Variants in COPG2 observed in about 807,000 individuals in gnomAD.
COPG2 encodes the protein coat protein complex I subunit gamma 2.
Under a neutral mutation model 46.3 loss-of-function variants are expected in COPG2, and 37 were observed. That is an observed-to-expected ratio of 0.80 (90% CI 0.61 to 1.05). The LOEUF (loss-of-function observed/expected upper bound fraction) is 1.05. COPG2 is among the 50% of genes least tolerant of loss of function. The pLI, the probability that COPG2 is intolerant of heterozygous loss-of-function variation, is 0.00. For synonymous variants in COPG2, 159 were observed against 129.7 expected (o/e 1.23, Z -1.53); for missense variants, 427 against 387.8 (o/e 1.10, Z -0.85).
At chr7:130,509,121 T>C in intron 20 of COPG2, 1 of 446,874 alleles carries the variant, frequency 2.2e-6, no homozygotes, top group Non-Finnish European at 4.4e-6. Context: ...ATACTATCTT[T>C]AGATTGTGGA....
intron 23 of COPG2, 104 bp downstream of exon 23, chr7:130,507,170 T>C (rs1799509425): frequency 1.4e-6 from 1 of 724,556 alleles, no homozygotes; most frequent in South Asian, 1.5e-5. Flanking sequence ...TTGTTACTCA[T>C]ATAATGGGAT....
chr7:130,604,362 T>C (rs1554450901), intron 9 of COPG2, among the ~76,000 whole-genome samples: 2 of 152,226 alleles, frequency 1.3e-5, no homozygotes, highest in Non-Finnish European at 2.9e-5. Context: ...TTTACTTAGG[T>C]CATACTTTAA....
In COPG2 at chr7:130,540,352, C is replaced by T. The variant is rs921251148; in HGVS notation, c.2149+7322G>A. ...GGTTTTTAGGAAACAACTGAGAACT[C>T]GGGAAACAAAGGGGGAAGTTTCTGC... On this transcript the variant is annotated intron_variant, in intron 20 of 23. Transcript: ENST00000425248. Among the ~76,000 whole-genome samples, 59 of 151,750 alleles carry T rather than the reference C, an allele frequency of 3.9e-4. 1 individual carries two copies. The highest frequency in any genetic ancestry group is 2.6e-4 in the Admixed American group (4 of 15,240).
At chr7:130,663,615 T>C (rs1168107780) in intron 3 of COPG2, among the ~76,000 whole-genome samples, 5 of 152,122 alleles carry the variant, frequency 3.3e-5, no homozygotes, top group Non-Finnish European at 7.4e-5. Context: ...AAACATGCTT[T>C]GGATCAGAGC....
chr7:130,555,825 G>C (rs1312477790), intron 12 of COPG2, among the ~76,000 whole-genome samples: 1 of 151,926 alleles, frequency 6.6e-6, no homozygotes, highest in Non-Finnish European at 1.5e-5. Context: ...GAGAGACTCT[G>C]TCTCAAAAAA....
At chr7:130,536,998 G>A (rs1450616575) in intron 20 of COPG2, among the ~76,000 whole-genome samples, 1 of 151,962 alleles carries the variant, frequency 6.6e-6, no homozygotes, top group Non-Finnish European at 1.5e-5. Flanking sequence ...GGAGGTGGGA[G>A]GAGGGTGGGA....
At chr7:130,559,870 C>T (rs1027914959) in intron 12 of COPG2, among the ~76,000 whole-genome samples, 8 of 152,114 alleles carry the variant, frequency 5.3e-5, no homozygotes, top group Non-Finnish European at 1.2e-4. Context: ...AGTTATATTA[C>T]TTGACTGAGT....
chr7:130,667,589 A>C, intron 1 of COPG2, 55 bp from the exon 2 acceptor site: 1 of 1,423,248 alleles, frequency 7.0e-7, no homozygotes, highest in Non-Finnish European at 9.9e-7. Context: ...ACACAAACTT[A>C]TATACTTTCC....
intron 20 of COPG2, among the ~76,000 whole-genome samples, chr7:130,521,318 T>C (rs958857477): frequency 2.8e-4 from 43 of 152,122 alleles, no homozygotes; most frequent in African/African-American, 1.0e-3. Flanking sequence ...ACACATTCAG[T>C]GAAGTGGACA....
intron 9 of COPG2, among the ~76,000 whole-genome samples, chr7:130,587,542 C>G (rs1476517672): frequency 6.6e-6 from 1 of 150,944 alleles, no homozygotes; most frequent in Non-Finnish European, 1.5e-5. Flanking sequence ...AAACTTAGAA[C>G]ATGGATTCCC....
intron 9 of COPG2, among the ~76,000 whole-genome samples, chr7:130,585,237 A>T (rs1794242114): frequency 6.6e-6 from 1 of 152,104 alleles, no homozygotes; most frequent in Non-Finnish European, 1.5e-5. Context: ...TTTTCAACTA[A>T]TGTTGCTGGG....
At chr7:130,621,531 T>C (rs1437126570) in intron 5 of COPG2, among the ~76,000 whole-genome samples, 2 of 152,156 alleles carry the variant, frequency 1.3e-5, no homozygotes. Flanking sequence ...TATTTACAGC[T>C]GGGCACGGTG....
chr7:130,616,017 A>C (rs562707024), intron 6 of COPG2, among the ~76,000 whole-genome samples: 11 of 152,306 alleles, frequency 7.2e-5, no homozygotes, highest in Non-Finnish European at 1.6e-4. Context: ...TGAGTTGCCA[A>C]AAAATTTGGA....
chr7:130,591,136 G>A (rs1304512487), intron 9 of COPG2, among the ~76,000 whole-genome samples: 1 of 127,270 alleles, frequency 7.9e-6, no homozygotes, highest in Non-Finnish European at 1.7e-5. Context: ...GTCCGGAAGG[G>A]AGGTGGGGGG....
At chr7:130,613,514 T>G in intron 7 of COPG2, 30 bp downstream of exon 7, 3 of 1,371,594 alleles carry the variant, frequency 2.2e-6, no homozygotes, top group Non-Finnish European at 2.0e-6. Flanking sequence ...GTACCATGCT[T>G]AAGAACTAGG....
chr7:130,571,641 T>G (rs193054922), intron 9 of COPG2, among the ~76,000 whole-genome samples: 6 of 152,250 alleles, frequency 3.9e-5, no homozygotes, highest in Admixed American at 3.9e-4. Flanking sequence ...GTGTGGAGAT[T>G]ACTTAAAGAA....
chr7:130,567,803 T>C (rs1793828259), intron 9 of COPG2, among the ~76,000 whole-genome samples: 1 of 152,094 alleles, frequency 6.6e-6, no homozygotes, highest in Admixed American at 6.5e-5. Context: ...ACAATAACTG[T>C]AGAAGGAGTC....
rs1168370976 is a variant in COPG2, at chr7:130,583,805, C to CAA, written c.738-19414_738-19413dup. ...CTGGCAACAGAGCGAGACTCCATCT[C>CAA]AAAAAAAAAAAAAAAAAAAAAAAAA... On this transcript the variant is annotated intron_variant, in intron 9 of 23. Transcript: ENST00000425248. Among the ~76,000 whole-genome samples, 31 of 12,358 alleles carry CAA rather than the reference C, an allele frequency of 2.5e-3. 6 individuals are homozygous for CAA. Among genetic ancestry groups the CAA allele is most frequent in the African/African-American group, 4.4e-3 (14 of 3,182 alleles). 8.1% of individuals were successfully genotyped at this position (12,358 alleles called of 152,430 possible). A position where few individuals can be genotyped will look rare whatever the true frequency, so the allele number is the denominator to read the frequency against.
chr7:130,604,576 A>G (rs1393224733), intron 9 of COPG2: 2 of 270,812 alleles, frequency 7.4e-6, no homozygotes, highest in African/African-American at 4.5e-5. Context: ...GATAATGTAC[A>G]GTTTATTTTG....
Sources: gnomAD v4.1 joint callset for allele counts (sites outside exome capture counted in the v4.1 genomes callset) on GRCh38, gnomAD v4.1.1 for gene constraint, MANE v1.5 for transcripts, NCBI Gene and HGNC (gene_info 2026-07-23, HGNC 2026-07-21) for gene names.